Variants in SCAPER observed in about 807,000 individuals in gnomAD.
SCAPER encodes S-phase cyclin A associated protein in the ER.
In SCAPER, 98 loss-of-function variants were observed where a neutral mutation model predicts 182.2. The ratio of observed to expected loss-of-function variants is 0.54; its 90% CI spans 0.46 to 0.64. SCAPER has a LOEUF of 0.64. SCAPER is among the 30% of genes least tolerant of loss of function. SCAPER has a pLI of 0.00. For synonymous variants in SCAPER, 605 were observed against 564.6 expected, an observed-to-expected ratio of 1.07 and a Z score of -1.01; for missense variants, 1,432 against 1,690.0, an observed-to-expected ratio of 0.85 and a Z score of 2.68.
intron 23 of SCAPER, among the ~76,000 whole-genome samples, chr15:76,519,471 G>C (rs1484849249): frequency 6.6e-6 from 1 of 152,154 alleles, no homozygotes; most frequent in Non-Finnish European, 1.5e-5. Context: ...ACCATTTAAG[G>C]TTGTTAACTT....
chr15:76,743,631 C>T (rs2061655197), intron 15 of SCAPER, among the ~76,000 whole-genome samples: 1 of 151,916 alleles, frequency 6.6e-6, no homozygotes, highest in African/African-American at 2.4e-5. Flanking sequence ...TGACAGAACA[C>T]TGCTGAAAAA....
At chr15:76,628,608 T>C (rs994164520) in intron 21 of SCAPER, among the ~76,000 whole-genome samples, 5 of 152,208 alleles carry the variant, frequency 3.3e-5, no homozygotes, top group African/African-American at 1.2e-4. Context: ...TTCTGGGCTC[T>C]GTATTCTGTT....
Position 76,354,058 on chromosome 15 carries a change from A to G in SCAPER, c.3938T>C (p.Leu1313Pro), listed in dbSNP as rs1470015007. Residue 1313 changes from leucine (L) to proline (P), a missense_variant, in exon 30 of 32, where the codon CTG becomes CCG. Leu to Pro is a moderately conservative substitution (Grantham distance 98, BLOSUM62 -3). This residue lies in a region of SCAPER where 718 missense variants were observed against 799.7 expected (regional missense o/e 0.90). Coordinates refer to ENST00000563290, the MANE Select transcript of SCAPER (RefSeq NM_020843.4). This position sits in a 1 kb window ranked among gnomAD's most constrained non-coding sequence, Gnocchi z 4.4. ...LPFQYFSDPR[L>P]IKVLFPSLIA... The stretch of plus-strand genomic sequence containing the variant: ...AAGTGAAGGGAACAGTACTTTGATC[A>G]GCCGTGGGTCACTGAAATACTGGAA... 3 of 1,610,662 alleles carry G rather than the reference A, an allele frequency of 1.9e-6. No homozygotes were observed. The highest frequency in any genetic ancestry group is 2.5e-6 in the Non-Finnish European group (3 of 1,178,964).
intron 23 of SCAPER, among the ~76,000 whole-genome samples, chr15:76,536,814 A>C (rs1368493374): frequency 6.6e-6 from 1 of 152,166 alleles, no homozygotes; most frequent in African/African-American, 2.4e-5. Context: ...TTATCTAGAA[A>C]ACCCCATTGT....
chr15:76,782,746 T>G (rs1444793729), intron 8 of SCAPER, among the ~76,000 whole-genome samples: 1 of 152,078 alleles, frequency 6.6e-6, no homozygotes, highest in African/African-American at 2.4e-5. Context: ...ACCTCACAAC[T>G]ACATGGAAAC....
At position 76,821,288 on chromosome 15, in the gene SCAPER, C is replaced by T. The variant is rs969030280; in HGVS notation, c.394-16655G>A. 4.7e-4 allele frequency among the ~76,000 whole-genome samples: 71 copies of T among 152,136 alleles called. 1 individual carries two copies. The highest frequency in any genetic ancestry group is 2.6e-4 in the Non-Finnish European group (18 of 68,020). ...GGTACATCCAGAAAATGAAATATTG[C>T]TCACGGCTAAGAAGAATGATCTATC... On this transcript the variant is annotated intron_variant, in intron 5 of 31. Transcript: ENST00000563290.
chr15:76,435,669 C>T (rs1360114792), intron 25 of SCAPER, among the ~76,000 whole-genome samples: 1 of 152,114 alleles, frequency 6.6e-6, no homozygotes, highest in Non-Finnish European at 1.5e-5. Context: ...AGAAAGAGTG[C>T]ATGGGAAGAA....
intron 21 of SCAPER, among the ~76,000 whole-genome samples, chr15:76,632,445 G>A (rs1333049841): frequency 3.9e-5 from 6 of 151,964 alleles, no homozygotes; most frequent in African/African-American, 9.7e-5. Context: ...CACCCACCTC[G>A]GTCTCCCAAA....
chr15:76,580,815 G>A (rs2048216802), intron 22 of SCAPER, among the ~76,000 whole-genome samples: 1 of 152,012 alleles, frequency 6.6e-6, no homozygotes, highest in Non-Finnish European at 1.5e-5. Flanking sequence ...AAAGATCAGA[G>A]CAGAAATGAA....
intron 28 of SCAPER, among the ~76,000 whole-genome samples, chr15:76,376,975 T>C (rs1168672371): frequency 2.6e-5 from 4 of 152,198 alleles, no homozygotes; most frequent in Admixed American, 1.3e-4. Context: ...TGAGTCTGTC[T>C]GTGCAGCCTG....
intron 29 of SCAPER, among the ~76,000 whole-genome samples, chr15:76,356,443 G>T (rs2040967127): frequency 6.6e-6 from 1 of 152,068 alleles, no homozygotes; most frequent in African/African-American, 2.4e-5. Flanking sequence ...TTCACTCTTA[G>T]GCCTTAGGTG....
At position 76,559,201 on chromosome 15, in the gene SCAPER, ATTTTTT is replaced by A. The variant is rs58642207; in HGVS notation, c.2838+14951_2838+14956del. ...AGGCACCCACCACCACACCCAGCTA[ATTTTTT>A]TTTTTTTTTTTTTTTTTTTGGTATT... is the stretch of plus-strand genomic sequence containing the variant. On this transcript the variant is annotated intron_variant, in intron 23 of 31. Coordinates refer to ENST00000563290, the MANE Select transcript of SCAPER (RefSeq NM_020843.4). 1.1e-4 allele frequency among the ~76,000 whole-genome samples: 13 copies of A among 121,814 alleles called. 1 individual carries two copies. Among genetic ancestry groups the A allele is most frequent in the South Asian group, 5.5e-4 (2 of 3,616 alleles). 79.9% of individuals were successfully genotyped at this position (121,814 alleles called of 152,430 possible).
intron 4 of SCAPER, among the ~76,000 whole-genome samples, chr15:76,851,964 C>A (rs2070804883): frequency 1.3e-5 from 2 of 151,892 alleles, no homozygotes; most frequent in African/African-American, 4.8e-5. Flanking sequence ...TAGAGACATG[C>A]ATAGGCTCAA....
At chr15:76,541,769 C>T (rs1211292758) in intron 23 of SCAPER, among the ~76,000 whole-genome samples, 1 of 152,178 alleles carries the variant, frequency 6.6e-6, no homozygotes, top group Non-Finnish European at 1.5e-5. Flanking sequence ...TGCCTATTAA[C>T]ACTGCCAAAT....
At chr15:76,649,702 T>A (rs76590940) in intron 21 of SCAPER, among the ~76,000 whole-genome samples, 1 of 149,942 alleles carries the variant, frequency 6.7e-6, no homozygotes, top group Non-Finnish European at 1.5e-5. Context: ...CCAAAGCCAT[T>A]AAAAAAACAC....
chr15:76,507,201 C>T (rs1339048323), intron 23 of SCAPER, among the ~76,000 whole-genome samples: 1 of 152,006 alleles, frequency 6.6e-6, no homozygotes, highest in Non-Finnish European at 1.5e-5. Context: ...ATATGACTGG[C>T]GTTCTTATAA....
intron 24 of SCAPER, among the ~76,000 whole-genome samples, chr15:76,497,119 T>TTTTTTTTTTC: frequency 7.0e-6 from 1 of 141,870 alleles, no homozygotes; most frequent in Non-Finnish European, 1.5e-5. Context: ...CTTTTTTTTT[T>TTTTTTTTTTC]TTTTTCCCAA....
At chr15:76,754,450 T>C (rs1409198640) in intron 14 of SCAPER, among the ~76,000 whole-genome samples, 1 of 152,050 alleles carries the variant, frequency 6.6e-6, no homozygotes, top group Non-Finnish European at 1.5e-5. Flanking sequence ...ACAAATCACA[T>C]TATTTGCATA....
At chr15:76,643,619 T>A (rs766432078) in intron 21 of SCAPER, among the ~76,000 whole-genome samples, 1 of 151,898 alleles carries the variant, frequency 6.6e-6, no homozygotes, top group South Asian at 2.1e-4. Flanking sequence ...GAGGCAGAGG[T>A]TGTAGTGAGC....
Sources: allele counts gnomAD v4.1 joint callset (sites outside exome capture counted in the v4.1 genomes callset), GRCh38; gene constraint gnomAD v4.1.1; regional missense constraint gnomAD v4.1.1; non-coding constraint Gnocchi (gnomAD v3.1); transcripts MANE v1.5; gene names NCBI Gene and HGNC (gene_info 2026-07-23, HGNC 2026-07-21).